IQSEC3: variants seen among roughly 807,000 people sequenced by gnomAD.
IQSEC3 encodes the protein IQ motif and Sec7 domain ArfGEF 3.
IQSEC3 carries 50 observed loss-of-function variants against 105.4 expected under a neutral mutation model. The observed-to-expected ratio is 0.47, with a 90% CI of 0.38 to 0.60. The LOEUF (loss-of-function observed/expected upper bound fraction) is 0.60. Ranked by LOEUF, IQSEC3 falls within the 20% of genes least tolerant of loss-of-function variation. IQSEC3 has a pLI of 0.00. For synonymous variants in IQSEC3, 708 were observed against 746.0 expected (o/e 0.95, Z 0.83); for missense variants, 1,415 against 1,630.0 (o/e 0.87, Z 2.27).
chr12:152,256 G>A lies in IQSEC3; in HGVS notation c.2154-4769G>A, dbSNP rs1866536125. 1.3e-5 allele frequency among the ~76,000 whole-genome samples: 2 copies of A among 152,204 alleles called. No individual in the cohort carries two copies. Among genetic ancestry groups the A allele is most frequent in the Admixed American group, 1.3e-4 (2 of 15,282 alleles). ...GCCCAGGCCAGCTCTGAACCTGCAG[G>A]GTGACCACAGAGCCCCCGTGCTGAC... is the stretch of plus-strand genomic sequence containing the variant. On this transcript the variant is annotated intron_variant, in intron 5 of 13. Transcript: ENST00000538872. The surrounding 1 kb of genome is among the most constrained non-coding windows in gnomAD (Gnocchi z 4.8).
rs1433721395 is a variant in IQSEC3 at position 177,655 on chromosome 12, GCC to G, written c.*2624_*2625del. 2 of 152,354 alleles carry G rather than the reference GCC, an allele frequency of 1.3e-5. No homozygotes were observed. The highest frequency in any genetic ancestry group is 4.8e-5 in the African/African-American group (2 of 41,402). The allele number at this position is 152,354 out of a possible 1,614,324, so 9.4% of individuals were successfully genotyped here. On this transcript the variant is annotated 3_prime_UTR_variant, in exon 14 of 14. Coordinates refer to ENST00000538872, the MANE Select transcript of IQSEC3 (RefSeq NM_001170738.2). The surrounding 1 kb of genome is among the most constrained non-coding windows in gnomAD (Gnocchi z 5.3). The stretch of plus-strand genomic sequence containing the variant: ...GAGGGCCTGGGGCAGGACACAGCTG[GCC>G]CTCCTCATTGTCAGGGGAAGCAAGT...
In IQSEC3 at chr12:162,084, C is replaced by G; in HGVS notation, c.2583+19C>G. The stretch of plus-strand genomic sequence containing the variant: ...GAAGACAGTGAGTGTCCACAAGCTA[C>G]CTATCTCCCGTCTCCTTTCCTTTCT... On this transcript the variant is annotated intron_variant, in intron 8 of 13. Transcript: ENST00000538872. 6.2e-7 allele frequency: 1 copy of G among 1,612,450 alleles called. No individual in the cohort carries two copies. The highest frequency in any genetic ancestry group is 8.5e-7 in the Non-Finnish European group (1 of 1,179,140).
chr12:168,935 T>G, intron 11 of IQSEC3, 78 bp from the exon 12 acceptor site: 1 of 1,200,508 alleles, frequency 8.3e-7, no homozygotes, highest in East Asian at 2.3e-5. Flanking sequence ...CCCTTTCTGC[T>G]GGCCCCTCAT....
chr12:74,198 C>A (rs1481846204), intron 1 of IQSEC3, among the ~76,000 whole-genome samples: 2 of 152,266 alleles, frequency 1.3e-5, no homozygotes, highest in Non-Finnish European at 2.9e-5. Flanking sequence ...GAATCAATTT[C>A]TCCAAGTTCC....
At chr12:169,800 T>C (rs1938874963) in intron 12 of IQSEC3, among the ~76,000 whole-genome samples, 1 of 152,228 alleles carries the variant, frequency 6.6e-6, no homozygotes, top group South Asian at 2.1e-4. Context: ...GGGAGATGCA[T>C]GAGAATTCAG....
intron 5 of IQSEC3, among the ~76,000 whole-genome samples, chr12:154,918 C>T (rs952921765): frequency 2.0e-5 from 3 of 151,170 alleles, no homozygotes; most frequent in African/African-American, 7.4e-5. Context: ...TCCTTCGCTG[C>T]CCCGCCCCAT....
intron 9 of IQSEC3, among the ~76,000 whole-genome samples, chr12:164,991 C>T (rs1867098633): frequency 6.6e-6 from 1 of 152,188 alleles, no homozygotes; most frequent in South Asian, 2.1e-4. Context: ...TCCAGGAAGG[C>T]ATCTCTAAGG....
rs11061662 is a variant in IQSEC3 at position 152,658 on chromosome 12, A to G, written c.2154-4367A>G. Among the ~76,000 whole-genome samples the G allele has an allele frequency of 0.39, 58,606 of 152,142 alleles. 13,142 individuals are homozygous for G. The highest frequency in any genetic ancestry group is 0.51 in the Non-Finnish European group (34,557 of 67,996). ...GAGCCATACTCAGTACAGAGAGCTCAGAGGGAACTCCCCCGACTTGAGTAA... is the reference window on the plus strand; with the variant it reads ...GAGCCATACTCAGTACAGAGAGCTCGGAGGGAACTCCCCCGACTTGAGTAA... On this transcript the variant is annotated intron_variant, in intron 5 of 13. Coordinates refer to ENST00000538872, the MANE Select transcript of IQSEC3 (RefSeq NM_001170738.2). This position sits in a 1 kb window ranked among gnomAD's most constrained non-coding sequence, Gnocchi z 4.8.
At chr12:115,063 T>A (rs1865006975) in intron 2 of IQSEC3, among the ~76,000 whole-genome samples, 1 of 152,188 alleles carries the variant, frequency 6.6e-6, no homozygotes, top group African/African-American at 2.4e-5. Flanking sequence ...GATAAGGACG[T>A]TAACTGCAGG....
intron 1 of IQSEC3, among the ~76,000 whole-genome samples, chr12:96,047 G>A (rs762601959): frequency 1.3e-5 from 2 of 152,140 alleles, no homozygotes; most frequent in Admixed American, 6.5e-5. Context: ...CTAAGAACAC[G>A]CACCCAAGGT....
At chr12:114,552 A>T (rs1354235433) in intron 2 of IQSEC3, among the ~76,000 whole-genome samples, 1 of 152,242 alleles carries the variant, frequency 6.6e-6, no homozygotes, top group Non-Finnish European at 1.5e-5. Flanking sequence ...TGGGGAAGAG[A>T]TCAAAGAAGC....
intron 1 of IQSEC3, among the ~76,000 whole-genome samples, chr12:88,459 G>T (rs1863984944): frequency 6.6e-6 from 1 of 152,228 alleles, no homozygotes; most frequent in South Asian, 2.1e-4. Context: ...CTTGATGGCA[G>T]AGGCATGGAC....
At chr12:84,236 C>T (rs1422442869) in intron 1 of IQSEC3, among the ~76,000 whole-genome samples, 1 of 152,258 alleles carries the variant, frequency 6.6e-6, no homozygotes, top group Non-Finnish European at 1.5e-5. Context: ...CCGTGGCCCA[C>T]TCATCTCAGT....
chr12:105,937 G>C (rs1555077751), intron 2 of IQSEC3, among the ~76,000 whole-genome samples: 5 of 152,198 alleles, frequency 3.3e-5, no homozygotes, highest in African/African-American at 1.2e-4. Context: ...TGCTTGGGCT[G>C]CCCTCAAATT....
chr12:111,847 C>G (rs1864899146), intron 2 of IQSEC3: 1 of 152,194 alleles, frequency 6.6e-6, no homozygotes, highest in South Asian at 2.1e-4. Context: ...GAGAAACAGA[C>G]TCACCCGTCC....
chr12:165,662 C>A, intron 10 of IQSEC3, 67 bp from the exon 11 acceptor site: 2 of 1,598,062 alleles, frequency 1.3e-6, no homozygotes, highest in Non-Finnish European at 1.7e-6. Flanking sequence ...CTCCTCATGT[C>A]TGGCTGGCTC....
intron 12 of IQSEC3, 63 bp from the exon 13 acceptor site, chr12:171,049 G>A: frequency 6.3e-7 from 1 of 1,597,564 alleles, no homozygotes; most frequent in Non-Finnish European, 8.6e-7. Context: ...GAGGGGCACA[G>A]GGGAGGGGCA....
intron 2 of IQSEC3, among the ~76,000 whole-genome samples, chr12:109,658 C>T (rs979202204): frequency 5.3e-5 from 8 of 152,124 alleles, no homozygotes; most frequent in Middle Eastern, 3.2e-3. Context: ...CCTCAGTGGC[C>T]GCACTGCACC....
chr12:125,438 C>T (rs782670968), intron 2 of IQSEC3, among the ~76,000 whole-genome samples, 195 bp from the exon 3 acceptor site: 10 of 152,116 alleles, frequency 6.6e-5, no homozygotes, highest in South Asian at 2.1e-4. Flanking sequence ...TCCCCAGGTG[C>T]GGGTTCTTCT....
Sources: allele counts gnomAD v4.1 joint callset (sites outside exome capture counted in the v4.1 genomes callset), GRCh38; gene constraint gnomAD v4.1.1; non-coding constraint Gnocchi (gnomAD v3.1); transcripts MANE v1.5; gene names NCBI Gene and HGNC (gene_info 2026-07-23, HGNC 2026-07-21).